GDPD4: variants seen among roughly 807,000 people sequenced by gnomAD.
GDPD4 encodes the protein glycerophosphodiester phosphodiesterase domain containing 4.
Under a neutral mutation model 67.8 loss-of-function variants are expected in GDPD4, and 60 were observed. The observed-to-expected ratio is 0.88, with a 90% confidence interval of 0.72 to 1.10. The LOEUF is 1.10. Among genes scored for constraint, GDPD4 ranks in the 50% least tolerant of loss-of-function variants. The pLI, the probability that GDPD4 is intolerant of heterozygous loss-of-function variation, is 0.00. For synonymous variants in GDPD4, 212 were observed against 210.9 expected (o/e 1.00, Z -0.04); for missense variants, 623 against 613.9 (o/e 1.01, Z -0.16).
chr11:77,281,901 C>T (rs572234750), intron 3 of GDPD4, among the ~76,000 whole-genome samples: 1 of 151,784 alleles, frequency 6.6e-6, no homozygotes, highest in East Asian at 1.9e-4. Flanking sequence ...CTACGGCACA[C>T]GTAGGGGTTA....
At chr11:77,269,665 ATAAATAT>A (rs1050721841) in intron 8 of GDPD4, among the ~76,000 whole-genome samples, 1 of 152,116 alleles carries the variant, frequency 6.6e-6, no homozygotes, top group African/African-American at 2.4e-5. Context: ...TAGTTACTCT[ATAAATAT>A]TAATCATTTG....
chr11:77,224,693 T>C (rs538460266), intron 16 of GDPD4, among the ~76,000 whole-genome samples: 3 of 152,284 alleles, frequency 2.0e-5, no homozygotes, highest in African/African-American at 7.2e-5. Flanking sequence ...GTAGCCCCAA[T>C]TGATACCCTG....
At chr11:77,270,836 C>G in intron 7 of GDPD4, 1 of 304,194 alleles carries the variant, frequency 3.3e-6, no homozygotes, top group South Asian at 6.1e-5. Context: ...CGTCACCCAC[C>G]ATCCATCTTC....
intron 13 of GDPD4, 123 bp from the exon 14 acceptor site, chr11:77,233,295 G>T: frequency 2.4e-6 from 2 of 843,050 alleles, no homozygotes; most frequent in East Asian, 2.5e-5. Flanking sequence ...GCTGATCCAG[G>T]GACAATTCAT....
At position 77,246,709 on chromosome 11, in the gene GDPD4, T is replaced by C. The variant is rs562230551; in HGVS notation, c.865-1207A>G. 5.9e-5 allele frequency among the ~76,000 whole-genome samples: 9 copies of C among 152,320 alleles called. No homozygotes were observed. In the South Asian group the frequency reaches 1.7e-3, roughly 28 times the overall value. On this transcript the variant is annotated intron_variant, in intron 11 of 16. Transcript: ENST00000315938. ...TCTGGGAGTATGTCTGGTACATAGA[T>C]AGAAAAGTATACAATTCACATTAGT...
At chr11:77,275,275 A>G (rs767712149) in intron 5 of GDPD4, among the ~76,000 whole-genome samples, 13 of 152,232 alleles carry the variant, frequency 8.5e-5, no homozygotes, top group Non-Finnish European at 1.9e-4. Flanking sequence ...GCTCAAGCCC[A>G]TGGGAGAACA....
In GDPD4 at chr11:77,216,997, T is replaced by C. The variant is rs1479651014; in HGVS notation, c.*280A>G. The C allele has an allele frequency of 5.7e-6, 4 of 702,954 alleles. No individual in the cohort carries two copies. In the African/African-American group the frequency reaches 7.0e-5, roughly 12 times the overall value. 43.5% of individuals were successfully genotyped at this position (702,954 alleles called of 1,614,324 possible). A position where few individuals can be genotyped will look rare whatever the true frequency, so the allele number is the denominator to read the frequency against. On this transcript the variant is annotated 3_prime_UTR_variant, in exon 17 of 17. Transcript: ENST00000315938. ...GCTTATCCACCTTCAGGGTGGGCAA[T>C]GTAGTTTGAAAGGTAGCCTCACTTG...
At chr11:77,251,064 G>A (rs1958885767) in intron 11 of GDPD4, among the ~76,000 whole-genome samples, 1 of 152,018 alleles carries the variant, frequency 6.6e-6, no homozygotes, top group Admixed American at 6.6e-5. Flanking sequence ...TTTTTTGTAG[G>A]CAGCATATAG....
intron 11 of GDPD4, among the ~76,000 whole-genome samples, chr11:77,255,792 G>A (rs139456858): frequency 1.9e-4 from 29 of 151,062 alleles, no homozygotes; most frequent in African/African-American, 4.9e-4. Flanking sequence ...ATTGGAACCC[G>A]GGAGGCAGAG....
rs1410872056 is a variant in GDPD4 at position 77,258,553 on chromosome 11, G to A, written c.708-11C>T. 2.5e-6 allele frequency: 4 copies of A among 1,613,324 alleles called. No homozygotes were observed. Among genetic ancestry groups the A allele is most frequent in the Non-Finnish European group, 3.4e-6 (4 of 1,179,454 alleles). On this transcript the variant is annotated splice_polypyrimidine_tract_variant and intron_variant, in intron 10 of 16. Transcript: ENST00000315938. ...GGCACATGATCATAACTGAGGCAGA[G>A]GTAGAAAAGAAGGGCAGGGGTAGAT...
chr11:77,289,449 T>C (rs1298867750), intron 1 of GDPD4, among the ~76,000 whole-genome samples: 3 of 144,354 alleles, frequency 2.1e-5, no homozygotes, highest in East Asian at 2.2e-4. Context: ...CGGCTGGCCA[T>C]AGTGGCTTAT....
intron 1 of GDPD4, among the ~76,000 whole-genome samples, chr11:77,292,638 A>T (rs1269781138): frequency 2.0e-5 from 3 of 152,200 alleles, no homozygotes; most frequent in Admixed American, 6.5e-5. Flanking sequence ...AGGAAAAAAA[A>T]TCAATGAAAT....
chr11:77,248,067 AAAAAG>A (rs1565520359), intron 11 of GDPD4, among the ~76,000 whole-genome samples: 3 of 151,130 alleles, frequency 2.0e-5, no homozygotes, highest in African/African-American at 4.9e-5. Flanking sequence ...AAAAAAAAAA[AAAAAG>A]AAAAGAAAGA....
At chr11:77,223,413 T>TGTTA (rs577125512) in intron 16 of GDPD4, among the ~76,000 whole-genome samples, 35 of 152,304 alleles carry the variant, frequency 2.3e-4, no homozygotes, top group African/African-American at 8.2e-4. Flanking sequence ...CCTTTCTGTT[T>TGTTA]GTTAGTTTTC....
At chr11:77,227,992 ATCT>A in intron 15 of GDPD4, 76 bp from the exon 16 acceptor site, 1 of 959,430 alleles carries the variant, frequency 1.0e-6, no homozygotes, top group Non-Finnish European at 1.7e-6. Flanking sequence ...CTCCTCCAGG[ATCT>A]TCTTCCCCCT....
At chr11:77,241,077 G>A (rs1034123295) in intron 13 of GDPD4, among the ~76,000 whole-genome samples, 1 of 152,152 alleles carries the variant, frequency 6.6e-6, no homozygotes, top group Non-Finnish European at 1.5e-5. Flanking sequence ...CCACTACTGA[G>A]TATATATCCA....
intron 13 of GDPD4, among the ~76,000 whole-genome samples, chr11:77,241,496 A>G (rs1375297305): frequency 1.3e-5 from 2 of 151,952 alleles, no homozygotes; most frequent in Admixed American, 6.6e-5. Flanking sequence ...AAATTAGCCA[A>G]GTGTGTTGGC....
intron 14 of GDPD4, among the ~76,000 whole-genome samples, chr11:77,230,341 T>G (rs1226178139): frequency 6.6e-6 from 1 of 152,226 alleles, no homozygotes; most frequent in Admixed American, 6.5e-5. Flanking sequence ...AGATGCTGCT[T>G]AAATTTGTGA....
chr11:77,253,927 G>A, intron 11 of GDPD4, among the ~76,000 whole-genome samples: 1 of 152,124 alleles, frequency 6.6e-6, no homozygotes, highest in East Asian at 1.9e-4. Flanking sequence ...AGGGGTAGGT[G>A]AAACAGTTCT....
Sources: gnomAD v4.1 joint callset for allele counts (sites outside exome capture counted in the v4.1 genomes callset) on GRCh38, gnomAD v4.1.1 for gene constraint, MANE v1.5 for transcripts, NCBI Gene and HGNC (gene_info 2026-07-23, HGNC 2026-07-21) for gene names.